NPAS2: variants seen among roughly 807,000 people sequenced by gnomAD.
NPAS2 encodes the protein neuronal PAS domain protein 2, also known as neuronal PAS domain-containing protein 2.
NPAS2 carries 23 observed loss-of-function variants against 107.5 expected under a neutral mutation model. That is an observed-to-expected ratio of 0.21 (90% CI 0.15 to 0.30). The LOEUF (loss-of-function observed/expected upper bound fraction) is 0.30. Among genes scored for constraint, NPAS2 ranks in the 10% least tolerant of loss-of-function variants. The pLI is 1.00. For synonymous variants in NPAS2, 403 were observed against 417.5 expected (o/e 0.97, Z 0.42); for missense variants, 756 against 1,043.3 (o/e 0.72, Z 3.79).
At chr2:100,890,544 G>T (rs1680986105) in intron 1 of NPAS2, among the ~76,000 whole-genome samples, 1 of 152,012 alleles carries the variant, frequency 6.6e-6, no homozygotes, top group African/African-American at 2.4e-5. Flanking sequence ...CAAATACAGT[G>T]AGGAGCCAGC....
At chr2:100,852,505 A>G (rs1678264510) in intron 1 of NPAS2, among the ~76,000 whole-genome samples, 1 of 152,210 alleles carries the variant, frequency 6.6e-6, no homozygotes, top group Non-Finnish European at 1.5e-5. Flanking sequence ...CATCCACGTA[A>G]GAACAGGACT....
intron 1 of NPAS2, among the ~76,000 whole-genome samples, chr2:100,900,815 T>TTAG (rs1243242110): frequency 6.6e-6 from 1 of 152,208 alleles, no homozygotes; most frequent in Non-Finnish European, 1.5e-5. Context: ...GCAACAATGA[T>TTAG]TACTATGGTA....
At chr2:100,995,327 G>A (rs559670078) in intron 20 of NPAS2, 73 bp from the exon 21 acceptor site, 310 of 1,336,116 alleles carry the variant, frequency 2.3e-4, no homozygotes, top group Non-Finnish European at 3.1e-4. Context: ...AGCATGCCCC[G>A]CACTGCCTTG....
At chr2:100,886,293 A>G (rs1235469061) in intron 1 of NPAS2, among the ~76,000 whole-genome samples, 3 of 152,186 alleles carry the variant, frequency 2.0e-5, no homozygotes, top group Admixed American at 6.5e-5. Context: ...TCAGGAAAAC[A>G]CTGTTACACA....
rs150373824 is a variant in NPAS2 at position 100,883,297 on chromosome 2, C to T, written c.-22-21436C>T. On this transcript the variant is annotated intron_variant, in intron 1 of 20. Transcript: ENST00000335681. ...AGTGACTGGGTTTATGCCAGGCTAT[C>T]GGTGAACTGGGTCAGAGATGGTGCA... 3.3e-3 allele frequency among the ~76,000 whole-genome samples: 502 copies of T among 152,306 alleles called. 3 individuals carry two copies. The highest frequency in any genetic ancestry group is 0.011 in the African/African-American group (444 of 41,562).
intron 12 of NPAS2, 50 bp from the exon 13 acceptor site, chr2:100,974,745 CCCACTGAT>C (rs1676850578): frequency 7.7e-6 from 12 of 1,560,410 alleles, no homozygotes; most frequent in Non-Finnish European, 8.7e-6. Flanking sequence ...TAAAGTCACG[CCCACTGAT>C]TCTTTCCTCT....
At chr2:100,922,141 C>T (rs1244620982) in intron 2 of NPAS2, among the ~76,000 whole-genome samples, 1 of 151,970 alleles carries the variant, frequency 6.6e-6, no homozygotes, top group Non-Finnish European at 1.5e-5. Context: ...TGGGGGTGGG[C>T]GGATCAATCA....
chr2:100,840,904 A>T (rs967877172), intron 1 of NPAS2, among the ~76,000 whole-genome samples: 2 of 152,156 alleles, frequency 1.3e-5, no homozygotes, highest in Non-Finnish European at 2.9e-5. Context: ...CACGGTGCTT[A>T]CCAGTCAAGT....
chr2:100,844,349 T>A (rs149847847), intron 1 of NPAS2, among the ~76,000 whole-genome samples: 1 of 152,216 alleles, frequency 6.6e-6, no homozygotes, highest in Non-Finnish European at 1.5e-5. Context: ...TTTTGATAAA[T>A]CTCCTTAACC....
intron 12 of NPAS2, among the ~76,000 whole-genome samples, chr2:100,972,051 A>G (rs1287678939): frequency 1.3e-5 from 2 of 151,400 alleles, no homozygotes; most frequent in Non-Finnish European, 2.9e-5. Flanking sequence ...AGGATCAAGC[A>G]ATTTTCCTGC....
Position 100,971,053 on chromosome 2 carries a change from C to T in NPAS2, c.1119C>T (p.Ala373=). ...CTCTGGAAGACCCGCCATCCGAGGC[C>T]CTCCACTCCTCAGCACTAAAGGTAC... ...ELALEDPPSE[A]LHSSALKDKG... Residue 373 remains alanine (A), a synonymous_variant, in exon 12 of 21, where the codon GCC becomes GCT. Coordinates refer to ENST00000335681, the MANE Select transcript of NPAS2 (RefSeq NM_002518.4). 6.2e-7 allele frequency: 1 copy of T among 1,614,098 alleles called. No homozygotes were observed.
At chr2:100,852,183 T>C (rs1160333542) in intron 1 of NPAS2, among the ~76,000 whole-genome samples, 1 of 151,850 alleles carries the variant, frequency 6.6e-6, no homozygotes, top group Non-Finnish European at 1.5e-5. Flanking sequence ...GATCACGAGG[T>C]CAGGAGATCA....
Position 100,847,592 on chromosome 2 carries a change from A to G in NPAS2, c.-23+27178A>G, listed in dbSNP as rs368865596. On this transcript the variant is annotated intron_variant, in intron 1 of 20. Coordinates refer to ENST00000335681, the MANE Select transcript of NPAS2 (RefSeq NM_002518.4). ...TCACCATGTTAGCCAGGATGGTCTC[A>G]ATCTCCTGACCTCGTGATCCGCCCA... Among the ~76,000 whole-genome samples the G allele has an allele frequency of 1.1e-4, 16 of 152,152 alleles. 1 individual carries two copies. The highest frequency in any genetic ancestry group is 9.7e-4 in the East Asian group (5 of 5,166).
Position 100,820,908 on chromosome 2 carries a change from C to A in NPAS2, c.-23+494C>A. Reference sequence around the variant, plus strand: ...CGGAGTCCCTGGGTCGGAATTGGTTCCGGGCCGGATTGGGTGCGGAATCGG... The same window carrying A: ...CGGAGTCCCTGGGTCGGAATTGGTTACGGGCCGGATTGGGTGCGGAATCGG... On this transcript the variant is annotated intron_variant, in intron 1 of 20. Coordinates refer to ENST00000335681, the MANE Select transcript of NPAS2 (RefSeq NM_002518.4). This position sits in a 1 kb window ranked among gnomAD's most constrained non-coding sequence, Gnocchi z 5.6. The A allele has an allele frequency of 1.7e-6, 1 of 586,094 alleles. No homozygotes were observed. The highest frequency in any genetic ancestry group is 2.7e-6 in the Non-Finnish European group (1 of 376,458). 36.3% of individuals were successfully genotyped at this position (586,094 alleles called of 1,614,324 possible).
At chr2:100,910,700 G>A (rs1314821442) in intron 2 of NPAS2, among the ~76,000 whole-genome samples, 2 of 151,940 alleles carry the variant, frequency 1.3e-5, no homozygotes, top group African/African-American at 4.8e-5. Flanking sequence ...GGCTAATTTT[G>A]TATTTTTAGT....
rs375265474 is a variant in NPAS2 at position 100,832,152 on chromosome 2, T to A, written c.-23+11738T>A. Among the ~76,000 whole-genome samples the A allele has an allele frequency of 1.1e-4, 17 of 152,160 alleles. No individual in the cohort carries two copies. In the East Asian group the frequency reaches 3.1e-3, roughly 28 times the overall value. On this transcript the variant is annotated intron_variant, in intron 1 of 20. Transcript: ENST00000335681. ...TGAATCCCCTGCACCTCATGTAGGG[T>A]AGGCACATCGGCATTCTATCACATT... is the stretch of plus-strand genomic sequence containing the variant.
intron 1 of NPAS2, among the ~76,000 whole-genome samples, chr2:100,898,964 TTTCCTGGGTC>T (rs1681601192): frequency 6.6e-6 from 1 of 152,200 alleles, no homozygotes; most frequent in Admixed American, 6.5e-5. Flanking sequence ...GGACACTTTA[TTTCCTGGGTC>T]TTCCTCTCAA....
At chr2:100,833,789 CCTTT>C (rs1476131104) in intron 1 of NPAS2, among the ~76,000 whole-genome samples, 3 of 152,112 alleles carry the variant, frequency 2.0e-5, no homozygotes, top group East Asian at 3.9e-4. Flanking sequence ...CTTCATGTGG[CCTTT>C]CTTTTTTATC....
intron 1 of NPAS2, among the ~76,000 whole-genome samples, chr2:100,867,862 C>T (rs1679351691): frequency 6.6e-6 from 1 of 152,032 alleles, no homozygotes; most frequent in South Asian, 2.1e-4. Flanking sequence ...TTATTTTTAA[C>T]TATTTTATAT....
Sources: allele counts gnomAD v4.1 joint callset (sites outside exome capture counted in the v4.1 genomes callset), GRCh38; gene constraint gnomAD v4.1.1; non-coding constraint Gnocchi (gnomAD v3.1); transcripts MANE v1.5; gene names NCBI Gene and HGNC (gene_info 2026-07-23, HGNC 2026-07-21).